Variants in ERCC3 observed in about 807,000 individuals in gnomAD.
The protein encoded by ERCC3 is general transcription and DNA repair factor IIH helicase/translocase subunit XPB.
In ERCC3, 66 loss-of-function variants were observed where a neutral mutation model predicts 94.2. That is an observed-to-expected ratio of 0.70 (90% CI 0.57 to 0.86). The LOEUF is 0.86. ERCC3 is among the 40% of genes least tolerant of loss of function. The pLI is 0.00. For synonymous variants in ERCC3, 349 were observed against 369.1 expected (o/e 0.95, Z 0.63); for missense variants, 829 against 987.1 (o/e 0.84, Z 2.15).
chr2:127,289,612 C>T (rs1295995319), intron 5 of ERCC3, 77 bp downstream of exon 5: 97 of 1,606,828 alleles, frequency 6.0e-5, no homozygotes, highest in Non-Finnish European at 8.1e-5. Flanking sequence ...GTTGTAAGTG[C>T]TGGGTTAAAG....
intron 12 of ERCC3, among the ~76,000 whole-genome samples, chr2:127,265,978 G>A (rs1336045619): frequency 6.6e-6 from 1 of 151,624 alleles, no homozygotes; most frequent in Admixed American, 6.6e-5. Flanking sequence ...TTAGTATGTT[G>A]TATCTGTTTT....
intron 12 of ERCC3, among the ~76,000 whole-genome samples, chr2:127,267,727 G>A (rs992180097): frequency 6.6e-6 from 1 of 152,008 alleles, no homozygotes; most frequent in African/African-American, 2.4e-5. Context: ...GTATTTTTGT[G>A]GTAGCAGGTG....
chr2:127,275,559 A>C (rs1027364309), intron 10 of ERCC3, among the ~76,000 whole-genome samples: 13 of 152,328 alleles, frequency 8.5e-5, no homozygotes, highest in African/African-American at 3.1e-4. Flanking sequence ...GCTGCGGCTA[A>C]GGCACAAGCC....
intron 1 of ERCC3, 63 bp from the exon 2 acceptor site, chr2:127,293,781 T>C: frequency 6.2e-7 from 1 of 1,602,680 alleles, no homozygotes; most frequent in Non-Finnish European, 8.5e-7. Flanking sequence ...CCGCACCGCT[T>C]GGCAGCATTT....
intron 12 of ERCC3, chr2:127,261,591 A>G (rs1025265294): frequency 1.7e-4 from 84 of 495,568 alleles, no homozygotes; most frequent in African/African-American, 1.5e-3. Flanking sequence ...CTGATAAGGG[A>G]TTTGTATCTA....
At chr2:127,269,145 G>A (rs1684469790) in intron 12 of ERCC3, among the ~76,000 whole-genome samples, 2 of 152,172 alleles carry the variant, frequency 1.3e-5, no homozygotes, top group South Asian at 4.1e-4. Flanking sequence ...TTAGACTACA[G>A]CTGACCATGC....
rs1684994657 is a variant in ERCC3, at chr2:127,284,002, G to A, written c.1342+2701C>T. Among the ~76,000 whole-genome samples the A allele has an allele frequency of 6.6e-6, 1 of 151,950 alleles. No homozygotes were observed. Among genetic ancestry groups the A allele is most frequent in the African/African-American group, 2.4e-5 (1 of 41,292 alleles). ...CTTCCAGACCAGCTCCTTTGAGAGTGTTCCCCATCTCAATTAATGCCCACT... is the reference window on the plus strand; with the variant it reads ...CTTCCAGACCAGCTCCTTTGAGAGTATTCCCCATCTCAATTAATGCCCACT... On this transcript the variant is annotated intron_variant, in intron 8 of 14. Coordinates refer to ENST00000285398, the MANE Select transcript of ERCC3 (RefSeq NM_000122.2). The surrounding 1 kb of genome is among the most constrained non-coding windows in gnomAD (Gnocchi z 4.1).
chr2:127,281,076 AG>A (rs1163281520), intron 8 of ERCC3: 1 of 415,032 alleles, frequency 2.4e-6, no homozygotes, highest in African/African-American at 2.0e-5. Flanking sequence ...TATCAGTAGA[AG>A]TACAGATGGC....
At position 127,294,137 on chromosome 2, in the gene ERCC3, T is replaced by A; in HGVS notation, c.-56A>T. ...CCGCTCCCACAGGCCCGCCGCGGCA[T>A]CCGCTCTGGGGGGACTTCCGGCTCA... On this transcript the variant is annotated 5_prime_UTR_variant, in exon 1 of 15. An upstream start codon of the reference 5' UTR is lost. Coordinates refer to ENST00000285398, the MANE Select transcript of ERCC3 (RefSeq NM_000122.2). The A allele has an allele frequency of 6.3e-7, 1 of 1,589,264 alleles. No homozygotes were observed. The highest frequency in any genetic ancestry group is 8.5e-7 in the Non-Finnish European group (1 of 1,170,174).
intron 2 of ERCC3, among the ~76,000 whole-genome samples, chr2:127,293,221 A>T (rs1412566377): frequency 6.6e-6 from 1 of 152,258 alleles, no homozygotes; most frequent in African/African-American, 2.4e-5. Context: ...CTGTTACATG[A>T]TAAATGCTAT....
Position 127,280,381 on chromosome 2 carries a change from T to C in ERCC3, c.1527+66A>G. On this transcript the variant is annotated intron_variant, in intron 9 of 14. Transcript: ENST00000285398. The surrounding 1 kb of genome is among the most constrained non-coding windows in gnomAD (Gnocchi z 6.3). ...CCTGTGTCTGCCCATGAGGAATCGA[T>C]CTGATCACTCCCCTGCCCATAGGAG... is the stretch of plus-strand genomic sequence containing the variant. The C allele has an allele frequency of 7.1e-7, 1 of 1,417,044 alleles. No individual in the cohort carries two copies. Among genetic ancestry groups the C allele is most frequent in the Non-Finnish European group, 9.8e-7 (1 of 1,020,338 alleles). 87.8% of individuals were successfully genotyped at this position (1,417,044 alleles called of 1,614,324 possible).
chr2:127,280,181 A>T lies in ERCC3; in HGVS notation c.1527+266T>A, dbSNP rs1184056985. Among the ~76,000 whole-genome samples, 1 of 152,204 alleles carries T rather than the reference A, an allele frequency of 6.6e-6. No homozygotes were observed. The highest frequency in any genetic ancestry group is 2.4e-5 in the African/African-American group (1 of 41,446). ...GTGCCCTGAATGCTAATCCTCACCC[A>T]CAGAAATCCATGACTGGTAAACCCC... On this transcript the variant is annotated intron_variant, in intron 9 of 14. Transcript: ENST00000285398. The surrounding 1 kb of genome is among the most constrained non-coding windows in gnomAD (Gnocchi z 6.3).
Position 127,259,451 on chromosome 2 carries a change from G to C in ERCC3, c.2065-3C>G, listed in dbSNP as rs1395572182. ...ATGCCAGCGAGTTTCGTGATCACCT[G>C]CAAAGCCCAAGCCAGCAGACATGCC... On this transcript the variant is annotated splice_polypyrimidine_tract_variant and splice_region_variant and intron_variant, in intron 13 of 14. Coordinates refer to ENST00000285398, the MANE Select transcript of ERCC3 (RefSeq NM_000122.2). The surrounding 1 kb of genome is among the most constrained non-coding windows in gnomAD (Gnocchi z 4.9). 8.7e-6 allele frequency: 14 copies of C among 1,613,946 alleles called. No individual in the cohort carries two copies. Among genetic ancestry groups the C allele is most frequent in the African/African-American group, 1.3e-5 (1 of 74,916 alleles).
In ERCC3 at chr2:127,257,641, C is replaced by T. The variant is rs1354994770; in HGVS notation, c.2304G>A (p.Ala768=). 6.2e-6 allele frequency: 10 copies of T among 1,614,022 alleles called. No homozygotes were observed. Among genetic ancestry groups the T allele is most frequent in the Non-Finnish European group, 6.8e-6 (8 of 1,180,036 alleles). The change falls in exon 15 of 15, where the codon GCG becomes GCA. Residue 768 remains alanine (A), a synonymous_variant. Transcript: ENST00000285398. This position sits in a 1 kb window ranked among gnomAD's most constrained non-coding sequence, Gnocchi z 5.4. ...AGAGCGGGTGTACATGTTTGCTGGGCGCCTTGCTCCGCGATGAGTGGTACT... is the reference window on the plus strand; with the variant it reads ...AGAGCGGGTGTACATGTTTGCTGGGTGCCTTGCTCCGCGATGAGTGGTACT... The part of the protein sequence containing the change: ...YMEYHSSRSK[A]PSKHVHPLFK...
intron 6 of ERCC3, among the ~76,000 whole-genome samples, 154 bp downstream of exon 6, chr2:127,289,183 C>T (rs1685181469): frequency 6.6e-6 from 1 of 152,182 alleles, no homozygotes. Context: ...AGAAATGATG[C>T]CATGGCTCAC....
At chr2:127,288,907 T>C in intron 6 of ERCC3, 43 bp from the exon 7 acceptor site, 1 of 1,472,364 alleles carries the variant, frequency 6.8e-7, no homozygotes, top group Non-Finnish European at 9.5e-7. Context: ...CTTGTTACTG[T>C]GCTCAAAAAC....
In ERCC3 at chr2:127,271,422, G is replaced by T; in HGVS notation, c.1859C>A (p.Ala620Glu). 14 of 1,614,002 alleles carry T rather than the reference G, an allele frequency of 8.7e-6. No homozygotes were observed. The highest frequency in any genetic ancestry group is 1.2e-5 in the Non-Finnish European group (14 of 1,179,992). ...VGDTSFDLPE[A>E]NVLIQISSHG... ...GGATGAGATCTGAATGAGGACATTT[G>T]CTTCCGGCAGATCAAACGAAGTGTC... The change falls in exon 12 of 15, where the codon GCA (alanine) becomes GAA (glutamate). Residue 620 changes from alanine (A) to glutamate (E), a missense_variant. Physicochemically the swap from Ala to Glu is moderately radical, Grantham distance 107. Transcript: ENST00000285398. The surrounding 1 kb of genome is among the most constrained non-coding windows in gnomAD (Gnocchi z 5.0).
chr2:127,261,521 C>G (rs1156352574), intron 12 of ERCC3, 175 bp from the exon 13 acceptor site: 1 of 661,434 alleles, frequency 1.5e-6, no homozygotes, highest in African/African-American at 1.8e-5. Context: ...TTTGTGCTTC[C>G]AAGGACACCA....
rs1481931747 is a variant in ERCC3 at position 127,264,865 on chromosome 2, G to A, written c.1946-3519C>T. On this transcript the variant is annotated intron_variant, in intron 12 of 14. Coordinates refer to ENST00000285398, the MANE Select transcript of ERCC3 (RefSeq NM_000122.2). The surrounding 1 kb of genome is among the most constrained non-coding windows in gnomAD (Gnocchi z 4.4). Reference sequence around the variant, plus strand: ...TTGGTAGATTTTTTTTTTTTTTTTTGGAGGCGGAGTCTCACTCTGTCACCC... The same window carrying A: ...TTGGTAGATTTTTTTTTTTTTTTTTAGAGGCGGAGTCTCACTCTGTCACCC... 1.2e-5 allele frequency among the ~76,000 whole-genome samples: 1 copy of A among 86,540 alleles called. No homozygotes were observed. Among genetic ancestry groups the A allele is most frequent in the African/African-American group, 4.6e-5 (1 of 21,686 alleles). 56.8% of individuals were successfully genotyped at this position (86,540 alleles called of 152,430 possible).
Sources: gnomAD v4.1 joint callset for allele counts (sites outside exome capture counted in the v4.1 genomes callset) on GRCh38, gnomAD v4.1.1 for gene constraint, Gnocchi (gnomAD v3.1) non-coding constraint, MANE v1.5 for transcripts, NCBI Gene and HGNC (gene_info 2026-07-23, HGNC 2026-07-21) for gene names.